Variants in MDGA2 observed in about 807,000 individuals in gnomAD.
MDGA2 encodes the protein MAM domain-containing glycosylphosphatidylinositol anchor protein 2.
In MDGA2, 40 loss-of-function variants were observed where a neutral mutation model predicts 117.8. The ratio of observed to expected loss-of-function variants is 0.34; its 90% CI spans 0.26 to 0.44. The LOEUF is 0.44. Among genes scored for constraint, MDGA2 ranks in the 20% least tolerant of loss-of-function variants. The pLI, the probability that MDGA2 is intolerant of heterozygous loss-of-function variation, is 1.00. For synonymous variants in MDGA2, 452 were observed against 439.0 expected (o/e 1.03, Z -0.37); for missense variants, 1,123 against 1,250.6 (o/e 0.90, Z 1.54).
At chr14:47,022,699 A>T (rs910617559) in intron 8 of MDGA2, among the ~76,000 whole-genome samples, 5 of 152,192 alleles carry the variant, frequency 3.3e-5, no homozygotes, top group African/African-American at 1.2e-4. Context: ...AATGTCTTGA[A>T]GATTGTAAAG....
intron 1 of MDGA2, among the ~76,000 whole-genome samples, chr14:47,438,969 T>C (rs1278654379): frequency 1.3e-5 from 2 of 152,168 alleles, no homozygotes; most frequent in East Asian, 3.9e-4. Flanking sequence ...TCTTTCTACA[T>C]GACTAATTTG....
intron 7 of MDGA2, among the ~76,000 whole-genome samples, chr14:47,050,890 C>T (rs889888923): frequency 6.6e-6 from 1 of 151,926 alleles, no homozygotes; most frequent in Admixed American, 6.6e-5. Context: ...CATCCTAACA[C>T]TTTTTGGAGT....
At chr14:47,543,213 G>A (rs1249367932) in intron 1 of MDGA2, among the ~76,000 whole-genome samples, 2 of 151,884 alleles carry the variant, frequency 1.3e-5, no homozygotes, top group African/African-American at 2.4e-5. Flanking sequence ...CTGTCCCAGC[G>A]ACAACAGCAG....
chr14:46,929,664 TTTTC>T (rs1350120458), intron 9 of MDGA2, among the ~76,000 whole-genome samples: 1 of 90,734 alleles, frequency 1.1e-5, no homozygotes, highest in Admixed American at 1.1e-4. Context: ...TTTTTTTTTT[TTTTC>T]GAGATGGACT....
chr14:46,981,636 T>C (rs925970096), intron 8 of MDGA2, among the ~76,000 whole-genome samples: 5 of 152,274 alleles, frequency 3.3e-5, no homozygotes, highest in East Asian at 1.9e-4. Flanking sequence ...AAGAGTGATA[T>C]AGAGTTCCAG....
At chr14:47,223,053 G>C (rs1395097179) in intron 2 of MDGA2, among the ~76,000 whole-genome samples, 1 of 152,128 alleles carries the variant, frequency 6.6e-6, no homozygotes, top group African/African-American at 2.4e-5. Flanking sequence ...CTTACATGGT[G>C]GTGGCAAGAG....
chr14:47,654,558 C>T (rs556096809), intron 1 of MDGA2, among the ~76,000 whole-genome samples: 5 of 152,158 alleles, frequency 3.3e-5, no homozygotes, highest in Admixed American at 2.0e-4. Context: ...CCAGTAGAAT[C>T]AGTAGAATAA....
intron 1 of MDGA2, among the ~76,000 whole-genome samples, chr14:47,669,924 G>A (rs573693655): frequency 6.6e-6 from 1 of 152,172 alleles, no homozygotes; most frequent in Non-Finnish European, 1.5e-5. Flanking sequence ...TCCTGAGACT[G>A]AATGTAATGG....
At chr14:47,574,203 G>T (rs574539349) in intron 1 of MDGA2, among the ~76,000 whole-genome samples, 1 of 152,242 alleles carries the variant, frequency 6.6e-6, no homozygotes, top group African/African-American at 2.4e-5. Flanking sequence ...AAACACTATT[G>T]TCCTTGCTGA....
intron 1 of MDGA2, among the ~76,000 whole-genome samples, chr14:47,359,727 G>C (rs139986976): frequency 8.3e-4 from 110 of 132,622 alleles, no homozygotes; most frequent in African/African-American, 2.5e-3. Context: ...CTCCAGCCTG[G>C]ACTGCAGAGC....
At chr14:47,525,736 TTTTTC>T (rs939280916) in intron 1 of MDGA2, among the ~76,000 whole-genome samples, 18 of 151,818 alleles carry the variant, frequency 1.2e-4, no homozygotes, top group African/African-American at 4.4e-4. Context: ...AAGTTTTTTT[TTTTTC>T]TCTCTCTCTT....
intron 8 of MDGA2, among the ~76,000 whole-genome samples, chr14:46,977,404 G>A (rs777717764): frequency 6.6e-6 from 1 of 151,716 alleles, no homozygotes; most frequent in Admixed American, 6.6e-5. Context: ...AATAAAAGAT[G>A]AAAACAGAGA....
Position 47,218,058 on chromosome 14 carries a change from C to T in MDGA2, c.558G>A (p.Gly186=). The part of the protein sequence containing the change: ...RYYCKAENGL[G]SPAIKSIRVD... ...CTCTGATTGACTTTATCGCTGGAGA[C>T]CCCAAGCCATTCTCTGCTTTACAGT... is the stretch of plus-strand genomic sequence containing the variant. Residue 186 remains glycine, a synonymous_variant, in exon 3 of 17, where the codon GGG becomes GGA. Coordinates refer to ENST00000399232, the MANE Select transcript of MDGA2 (RefSeq NM_001113498.3). The T allele has an allele frequency of 6.4e-7, 1 of 1,551,054 alleles. No homozygotes were observed. Among genetic ancestry groups the T allele is most frequent in the Non-Finnish European group, 8.7e-7 (1 of 1,146,520 alleles).
chr14:47,628,319 A>G (rs1285381099), intron 1 of MDGA2, among the ~76,000 whole-genome samples: 1 of 152,104 alleles, frequency 6.6e-6, no homozygotes, highest in Non-Finnish European at 1.5e-5. Context: ...TATTTGTTTC[A>G]TATCTGCCTC....
chr14:46,857,520 G>C (rs1881315620), intron 14 of MDGA2, among the ~76,000 whole-genome samples: 1 of 18,156 alleles, frequency 5.5e-5, no homozygotes, highest in Admixed American at 8.3e-4. Flanking sequence ...CTGCTTTAGA[G>C]AATTTCCCTT....
rs540475230 is a variant in MDGA2 at position 47,242,332 on chromosome 14, C to A, written c.421-24137G>T. On this transcript the variant is annotated intron_variant, in intron 2 of 16. Transcript: ENST00000399232. ...CTCAGCACCTCCCCTGCCTGGGCTC[C>A]CACTTTGTGGCATTTGAGGAGCCCT... Among the ~76,000 whole-genome samples the A allele has an allele frequency of 3.1e-4, 47 of 152,070 alleles. 1 individual carries two copies. In the South Asian group the frequency reaches 6.5e-3, roughly 21 times the overall value.
chr14:47,112,712 A>G (rs1471609904), intron 5 of MDGA2, among the ~76,000 whole-genome samples: 1 of 152,082 alleles, frequency 6.6e-6, no homozygotes, highest in Non-Finnish European at 1.5e-5. Context: ...ATGTGTGCAT[A>G]TATCTTTATA....
At chr14:47,087,216 T>C (rs1013643404) in intron 6 of MDGA2, among the ~76,000 whole-genome samples, 7 of 151,950 alleles carry the variant, frequency 4.6e-5, no homozygotes, top group Non-Finnish European at 7.4e-5. Context: ...TTTGCTCTTA[T>C]AGAATTATAG....
rs374079691 is a variant in MDGA2, at chr14:46,939,433, G to A, written c.2089+17941C>T. Among the ~76,000 whole-genome samples, 178 of 152,176 alleles carry A rather than the reference G, an allele frequency of 1.2e-3. 1 individual carries two copies. The highest frequency in any genetic ancestry group is 4.1e-3 in the African/African-American group (171 of 41,528). On this transcript the variant is annotated intron_variant, in intron 9 of 16. Transcript: ENST00000399232. ...GTTTTTAACAAGATTCTCATGAAAT[G>A]CTTTCCACTGAGATCTTTCTATTCA...
Sources: allele counts gnomAD v4.1 joint callset (sites outside exome capture counted in the v4.1 genomes callset), GRCh38; gene constraint gnomAD v4.1.1; transcripts MANE v1.5; gene names NCBI Gene and HGNC (gene_info 2026-07-23, HGNC 2026-07-21).